DDX19A: variants seen among roughly 807,000 people sequenced by gnomAD.
DDX19A encodes DEAD-box helicase 19A, also known as ATP-dependent RNA helicase DDX19A.
DDX19A carries 12 observed loss-of-function variants against 60.6 expected under a neutral mutation model. That is an observed-to-expected ratio of 0.20 (90% confidence interval 0.13 to 0.32). The LOEUF (loss-of-function observed/expected upper bound fraction) is 0.32. Ranked by LOEUF, DDX19A falls within the 10% of genes least tolerant of loss-of-function variation. DDX19A has a pLI of 1.00. For missense variants in DDX19A, 337 were observed against 600.6 expected (o/e 0.56, Z 4.59); for synonymous variants, 206 against 218.2 (o/e 0.94, Z 0.49).
At chr16:70,364,850 C>A in intron 6 of DDX19A, 167 bp from the exon 7 acceptor site, 1 of 674,332 alleles carries the variant, frequency 1.5e-6, no homozygotes, top group Non-Finnish European at 2.5e-6. Context: ...CTCTGCCAAG[C>A]CAGGGCTACC....
At chr16:70,359,964 A>G (rs770705044) in intron 4 of DDX19A, among the ~76,000 whole-genome samples, 7 of 152,008 alleles carry the variant, frequency 4.6e-5, no homozygotes, top group African/African-American at 7.2e-5. Flanking sequence ...TATATCAGCT[A>G]CTAGAAACTG....
chr16:70,350,848 A>ATTAATTATTTAT (rs1963989241), intron 2 of DDX19A, among the ~76,000 whole-genome samples: 1 of 143,990 alleles, frequency 6.9e-6, no homozygotes, highest in South Asian at 2.2e-4. Flanking sequence ...ATTTTGGCAA[A>ATTAATTATTTAT]TTATTTATTT....
intron 5 of DDX19A, among the ~76,000 whole-genome samples, chr16:70,361,928 T>A (rs1418385989): frequency 1.3e-5 from 2 of 151,848 alleles, no homozygotes; most frequent in African/African-American, 2.4e-5. Flanking sequence ...CCTAGCACTT[T>A]GGGAGGCCAA....
chr16:70,370,206 TG>T lies in DDX19A; in HGVS notation c.1021-16del, dbSNP rs777484981. 6.2e-7 allele frequency: 1 copy of T among 1,603,696 alleles called. No homozygotes were observed. The highest frequency in any genetic ancestry group is 1.1e-5 in the South Asian group (1 of 90,202). On this transcript the variant is annotated splice_polypyrimidine_tract_variant and intron_variant, in intron 9 of 11. Coordinates refer to ENST00000302243, the MANE Select transcript of DDX19A (RefSeq NM_018332.5). ...TACTCAAATACTTTCATTTCTCAAT[TG>T]TTTTTTTTCTTCCAGACTCGCAAAA...
chr16:70,364,726 C>G, intron 6 of DDX19A, 81 bp downstream of exon 6: 1 of 1,041,512 alleles, frequency 9.6e-7, no homozygotes, highest in Non-Finnish European at 1.5e-6. Context: ...AACGAGAGGT[C>G]TGAAGCTTCT....
At chr16:70,362,687 C>G (rs1964403156) in intron 5 of DDX19A, among the ~76,000 whole-genome samples, 1 of 152,106 alleles carries the variant, frequency 6.6e-6, no homozygotes, top group Admixed American at 6.6e-5. Context: ...AATTAATCCT[C>G]TCACCTCAGC....
intron 5 of DDX19A, chr16:70,363,502 A>C (rs1444888299): frequency 6.6e-6 from 1 of 151,780 alleles, no homozygotes; most frequent in African/African-American, 2.4e-5. Context: ...ATGCCTGGCT[A>C]ATTTTTGTAT....
chr16:70,357,366 G>GTTTTTTTTTTTTTTTTTTTTTTTT lies in DDX19A; in HGVS notation c.293+1132_293+1155dup, dbSNP rs71151183. Among the ~76,000 whole-genome samples the GTTTTTTTTTTTTTTTTTTTTTTTT allele has an allele frequency of 3.6e-4, 16 of 44,578 alleles. 6 individuals carry two copies. The highest frequency in any genetic ancestry group is 1.1e-3 in the African/African-American group (12 of 11,254). The allele number at this position is 44,578 out of a possible 152,430, so 29.2% of individuals were successfully genotyped here. A position where few individuals can be genotyped will look rare whatever the true frequency, so the allele number is the denominator to read the frequency against. Reference sequence around the variant, plus strand: ...AATCTGTCAAATCTGTTTTTGGTTTGTTTTTTTTTTTTTTTTTTTTTTTTT... The same window carrying GTTTTTTTTTTTTTTTTTTTTTTTT: ...AATCTGTCAAATCTGTTTTTGGTTTGTTTTTTTTTTTTTTTTTTTTTTTTTTTTTTTTTTTTTTTTTTTTTTTTT... On this transcript the variant is annotated intron_variant, in intron 4 of 11. Transcript: ENST00000302243.
rs571366863 is a variant in DDX19A, at chr16:70,360,887, G to A, written c.294-531G>A. On this transcript the variant is annotated intron_variant, in intron 4 of 11. Coordinates refer to ENST00000302243, the MANE Select transcript of DDX19A (RefSeq NM_018332.5). Reference sequence around the variant, plus strand: ...CCACCTCAGCCTCTTGAGTAACTGGGACTACAGGTGTGTCCAGCTATTTTT... The same window carrying A: ...CCACCTCAGCCTCTTGAGTAACTGGAACTACAGGTGTGTCCAGCTATTTTT... 18 of 157,898 alleles carry A rather than the reference G, an allele frequency of 1.1e-4. No homozygotes were observed. The South Asian group carries it at 3.1e-3, about 27-fold the overall frequency. The allele number at this position is 157,898 out of a possible 1,614,324, so 9.8% of individuals were successfully genotyped here.
intron 3 of DDX19A, chr16:70,355,788 C>T: frequency 1.7e-6 from 1 of 576,340 alleles, no homozygotes; most frequent in Non-Finnish European, 3.1e-6. Context: ...ATACTGAGAC[C>T]CCATCTCTAC....
Position 70,361,440 on chromosome 16 carries a change from G to C in DDX19A, c.316G>C (p.Val106Leu). 1 of 1,613,962 alleles carries C rather than the reference G, an allele frequency of 6.2e-7. No individual in the cohort carries two copies. Among genetic ancestry groups the C allele is most frequent in the South Asian group, 1.1e-5 (1 of 91,080 alleles). Reference sequence around the variant, plus strand: ...TAGGAAACCACAGCTTCTCCAGGGAGTCTATGCCATGGGCTTCAATCGACC... The same window carrying C: ...TAGGAAACCACAGCTTCTCCAGGGACTCTATGCCATGGGCTTCAATCGACC... ...LRLKPQLLQGVYAMGFNRPSK... is the reference protein window; with the variant it reads ...LRLKPQLLQGLYAMGFNRPSK... Residue 106 changes from valine to leucine, a missense_variant, in exon 5 of 12, where the codon GTC becomes CTC. Coordinates refer to ENST00000302243, the MANE Select transcript of DDX19A (RefSeq NM_018332.5).
intron 2 of DDX19A, among the ~76,000 whole-genome samples, chr16:70,351,722 G>A (rs1377447659): frequency 6.6e-6 from 1 of 151,230 alleles, no homozygotes; most frequent in East Asian, 1.9e-4. Context: ...TAGAGATAGG[G>A]TTTCACCGTG....
At chr16:70,350,346 C>T (rs949628413) in intron 1 of DDX19A, among the ~76,000 whole-genome samples, 1 of 152,090 alleles carries the variant, frequency 6.6e-6, no homozygotes, top group Non-Finnish European at 1.5e-5. Context: ...TTTAGTCCAC[C>T]CCTCCCCTTG....
At chr16:70,352,673 G>A (rs1309055228) in intron 2 of DDX19A, among the ~76,000 whole-genome samples, 1 of 125,440 alleles carries the variant, frequency 8.0e-6, no homozygotes, top group African/African-American at 3.1e-5. Context: ...AGTTTCACTC[G>A]TTGCCCAGGC....
At chr16:70,358,412 C>G (rs79078914) in intron 4 of DDX19A, among the ~76,000 whole-genome samples, 10,725 of 151,370 alleles carry the variant, frequency 0.071, 1,276 homozygotes, top group African/African-American at 0.25. Context: ...TCAAAGAGTC[C>G]TCCTGCCTCA....
In DDX19A at chr16:70,366,636, G is replaced by A. The variant is rs761739320; in HGVS notation, c.795G>A (p.Arg265=). ...CCTTCCCTTGCAGGATGCTGCCCAG[G>A]AACTGCCAGATGCTGCTTTTCTCCG... The part of the protein sequence containing the change: ...QSIRIQRMLP[R]NCQMLLFSAT... Residue 265 remains arginine (R), a synonymous_variant, in exon 9 of 12, where the codon AGG becomes AGA. Transcript: ENST00000302243. 283 of 1,614,192 alleles carry A rather than the reference G, an allele frequency of 1.8e-4. 4 individuals are homozygous for A. Among genetic ancestry groups the A allele is most frequent in the South Asian group, 1.1e-3 (99 of 91,090 alleles).
chr16:70,358,084 G>A (rs1020785992), intron 4 of DDX19A, among the ~76,000 whole-genome samples: 3 of 151,460 alleles, frequency 2.0e-5, no homozygotes, highest in African/African-American at 2.4e-5. Context: ...AGGCTGGAGC[G>A]CAGTGGCACA....
intron 9 of DDX19A, among the ~76,000 whole-genome samples, chr16:70,369,128 A>G (rs997169948): frequency 3.3e-5 from 5 of 150,408 alleles, no homozygotes; most frequent in Admixed American, 6.6e-5. Flanking sequence ...CGGCCTCCCA[A>G]AGTGCTGGGA....
chr16:70,366,414 A>G (rs578179991), intron 8 of DDX19A, 152 bp downstream of exon 8: 5 of 1,308,900 alleles, frequency 3.8e-6, no homozygotes, highest in South Asian at 2.8e-5. Flanking sequence ...GTCAGCGCTG[A>G]TCACAGTCCC....
Sources: allele counts gnomAD v4.1 joint callset (sites outside exome capture counted in the v4.1 genomes callset), GRCh38; gene constraint gnomAD v4.1.1; transcripts MANE v1.5; gene names NCBI Gene and HGNC (gene_info 2026-07-23, HGNC 2026-07-21).